Variants in MARCHF1 observed in about 807,000 individuals in gnomAD.
The protein encoded by MARCHF1 is E3 ubiquitin-protein ligase MARCHF1.
A neutral mutation model predicts 54.2 loss-of-function variants in MARCHF1; 40 were observed. The ratio of observed to expected loss-of-function variants is 0.74; its 90% CI spans 0.57 to 0.96. The LOEUF (loss-of-function observed/expected upper bound fraction) is 0.96, where lower values mean the gene tolerates loss of function less well. Among genes scored for constraint, MARCHF1 ranks in the 40% least tolerant of loss-of-function variants. The pLI is 0.00. For missense variants in MARCHF1, 586 were observed against 656.5 expected (o/e 0.89, Z 1.17); for synonymous variants, 236 against 236.3 (o/e 1.00, Z 0.01).
chr4:164,354,531 G>A (rs1424845297), intron 1 of MARCHF1, among the ~76,000 whole-genome samples: 1 of 129,396 alleles, frequency 7.7e-6, no homozygotes, highest in Admixed American at 7.8e-5. Context: ...TATCTCAATA[G>A]ATGCAGAAAA....
intron 1 of MARCHF1, among the ~76,000 whole-genome samples, chr4:164,175,240 A>AT (rs1471770142): frequency 1.3e-5 from 2 of 152,196 alleles, no homozygotes; most frequent in African/African-American, 4.8e-5. Flanking sequence ...TTATTACAAA[A>AT]TTATCCACAA....
chr4:163,763,661 G>A (rs965709281), intron 4 of MARCHF1, among the ~76,000 whole-genome samples: 1 of 151,950 alleles, frequency 6.6e-6, no homozygotes, highest in African/African-American at 2.4e-5. Flanking sequence ...TTCAGCACAC[G>A]CTGCATATCA....
At chr4:163,718,313 T>G (rs1031316693) in intron 4 of MARCHF1, among the ~76,000 whole-genome samples, 1 of 152,110 alleles carries the variant, frequency 6.6e-6, no homozygotes, top group East Asian at 1.9e-4. Flanking sequence ...GGGATCTAAT[T>G]AAACTAAAGA....
At chr4:164,010,180 C>A (rs1753388493) in intron 2 of MARCHF1, among the ~76,000 whole-genome samples, 1 of 151,106 alleles carries the variant, frequency 6.6e-6, no homozygotes, top group Non-Finnish European at 1.5e-5. Flanking sequence ...GATTCTCCTG[C>A]CTCAGCCTCC....
At chr4:163,727,012 T>C (rs1023968350) in intron 4 of MARCHF1, among the ~76,000 whole-genome samples, 2 of 152,200 alleles carry the variant, frequency 1.3e-5, no homozygotes, top group African/African-American at 2.4e-5. Context: ...TTCTCCCAGG[T>C]TGTGACCTGT....
intron 4 of MARCHF1, among the ~76,000 whole-genome samples, chr4:163,717,649 C>A (rs1275319031): frequency 6.6e-6 from 1 of 152,192 alleles, no homozygotes; most frequent in Non-Finnish European, 1.5e-5. Flanking sequence ...CACATCCTCT[C>A]CAGCACCTGT....
At position 164,058,037 on chromosome 4, in the gene MARCHF1, C is replaced by A. The variant is rs545227761; in HGVS notation, c.-248+53551G>T. Among the ~76,000 whole-genome samples, 7 of 152,180 alleles carry A rather than the reference C, an allele frequency of 4.6e-5. No homozygotes were observed. In the South Asian group the frequency reaches 1.5e-3, roughly 32 times the overall value. ...CATCACAAGATCAGAAAACTGAACACCACATGTTCTCACTCATAAGTGGGA... is the reference window on the plus strand; with the variant it reads ...CATCACAAGATCAGAAAACTGAACAACACATGTTCTCACTCATAAGTGGGA... On this transcript the variant is annotated intron_variant, in intron 2 of 9. Transcript: ENST00000514618.
chr4:163,568,734 T>C (rs1739732679), intron 8 of MARCHF1, among the ~76,000 whole-genome samples: 1 of 152,096 alleles, frequency 6.6e-6, no homozygotes, highest in Non-Finnish European at 1.5e-5. Flanking sequence ...GCTGCTGGGA[T>C]CATCTTCCAC....
At chr4:163,890,605 G>A (rs1750641012) in intron 3 of MARCHF1, among the ~76,000 whole-genome samples, 1 of 152,140 alleles carries the variant, frequency 6.6e-6, no homozygotes, top group South Asian at 2.1e-4. Context: ...TCAAATGGGT[G>A]AATACAGGTT....
chr4:163,576,172 G>A (rs1018419405), intron 8 of MARCHF1, among the ~76,000 whole-genome samples: 2 of 149,152 alleles, frequency 1.3e-5, no homozygotes, highest in African/African-American at 2.5e-5. Context: ...TGATGTAGGT[G>A]TTTAGCACTA....
At chr4:163,823,297 T>A (rs1748750586) in intron 4 of MARCHF1, among the ~76,000 whole-genome samples, 1 of 151,722 alleles carries the variant, frequency 6.6e-6, no homozygotes, top group African/African-American at 2.4e-5. Flanking sequence ...AAACTAAATA[T>A]AAGAGAATAT....
intron 1 of MARCHF1, among the ~76,000 whole-genome samples, chr4:164,286,489 AAT>A (rs1259879487): frequency 2.6e-5 from 4 of 152,124 alleles, no homozygotes; most frequent in Admixed American, 6.5e-5. Context: ...TTCACAAAAT[AAT>A]ATGTTTCTTC....
At chr4:164,230,912 C>CAA (rs1732397641) in intron 1 of MARCHF1, among the ~76,000 whole-genome samples, 2 of 151,858 alleles carry the variant, frequency 1.3e-5, no homozygotes, top group Non-Finnish European at 2.9e-5. Flanking sequence ...TTTCATAATC[C>CAA]CCAGGATGTC....
intron 1 of MARCHF1, among the ~76,000 whole-genome samples, chr4:164,272,172 G>C (rs980422897): frequency 6.6e-6 from 1 of 151,920 alleles, no homozygotes; most frequent in African/African-American, 2.4e-5. Context: ...TCCATTACTG[G>C]TTAAAGTATA....
rs143594343 is a variant in MARCHF1, at chr4:164,161,044, A to G, written c.-322-49382T>C. 3.3e-4 allele frequency among the ~76,000 whole-genome samples: 50 copies of G among 152,272 alleles called. No homozygotes were observed. The East Asian group carries it at 5.0e-3, about 15-fold the overall frequency. ...ATTATTTAACCGAAACCACTTACCA[A>G]TTGATATAGTTTGGATGTGTGTCCC... is the stretch of plus-strand genomic sequence containing the variant. On this transcript the variant is annotated intron_variant, in intron 1 of 9. Transcript: ENST00000514618.
At chr4:163,555,728 A>C in intron 8 of MARCHF1, 1 of 262,388 alleles carries the variant, frequency 3.8e-6, no homozygotes, top group East Asian at 8.9e-5. Context: ...TACATTTCAC[A>C]GTGGCATAGT....
intron 1 of MARCHF1, among the ~76,000 whole-genome samples, chr4:164,117,080 A>G (rs548373497): frequency 3.9e-4 from 59 of 152,088 alleles, no homozygotes; most frequent in African/African-American, 1.4e-3. Context: ...CAACATGGTG[A>G]AACCTCGTCT....
At chr4:164,314,597 C>A (rs1402036496) in intron 1 of MARCHF1, among the ~76,000 whole-genome samples, 1 of 152,118 alleles carries the variant, frequency 6.6e-6, no homozygotes, top group Non-Finnish European at 1.5e-5. Flanking sequence ...CCAAACTCAA[C>A]CAAAACCAAA....
intron 4 of MARCHF1, among the ~76,000 whole-genome samples, chr4:163,789,103 T>G (rs1166022996): frequency 6.6e-6 from 1 of 152,068 alleles, no homozygotes; most frequent in African/African-American, 2.4e-5. Context: ...TTTTCTCTTT[T>G]TCATTTATGT....
Sources: allele counts gnomAD v4.1 joint callset (sites outside exome capture counted in the v4.1 genomes callset), GRCh38; gene constraint gnomAD v4.1.1; transcripts MANE v1.5; gene names NCBI Gene and HGNC (gene_info 2026-07-23, HGNC 2026-07-21).